The following C2orf42 variants were observed in gnomAD, a reference collection of about 807,000 sequenced individuals.
The protein encoded by C2orf42 is chromosome 2 open reading frame 42.
A neutral mutation model predicts 58.9 loss-of-function variants in C2orf42; 44 were observed. That is an observed-to-expected ratio of 0.75 (90% CI 0.59 to 0.96). The LOEUF (loss-of-function observed/expected upper bound fraction) is 0.96, where lower values mean the gene tolerates loss of function less well. C2orf42 is among the 40% of genes least tolerant of loss of function. The pLI, the probability that C2orf42 is intolerant of heterozygous loss-of-function variation, is 0.00. For synonymous variants in C2orf42, 239 were observed against 265.4 expected (o/e 0.90, Z 0.97); for missense variants, 630 against 699.2 (o/e 0.90, Z 1.12).
intron 1 of C2orf42, among the ~76,000 whole-genome samples, chr2:70,189,596 A>G (rs1675193635): frequency 6.6e-6 from 1 of 151,210 alleles, no homozygotes; most frequent in Non-Finnish European, 1.5e-5. Flanking sequence ...GGGCGCCTGT[A>G]GTCCCAGCTA....
chr2:70,185,039 G>A (rs1040390325), intron 1 of C2orf42, among the ~76,000 whole-genome samples: 3 of 151,446 alleles, frequency 2.0e-5, no homozygotes, highest in South Asian at 2.1e-4. Flanking sequence ...GCAGTGAACC[G>A]AGATCATGCC....
chr2:70,173,812 G>A (rs796850921), intron 5 of C2orf42, among the ~76,000 whole-genome samples: 59 of 150,436 alleles, frequency 3.9e-4, no homozygotes, highest in African/African-American at 1.3e-3. Flanking sequence ...GTTTTTTTTG[G>A]TAGAGATGGA....
intron 1 of C2orf42, among the ~76,000 whole-genome samples, chr2:70,185,079 G>A (rs182707118): frequency 6.9e-6 from 1 of 145,020 alleles, no homozygotes; most frequent in East Asian, 2.1e-4. Flanking sequence ...GACAGAGTGA[G>A]ACTCCATCTC....
Position 70,181,899 on chromosome 2 carries a change from G to A in C2orf42, c.87C>T (p.Pro29=). The A allele has an allele frequency of 6.2e-7, 1 of 1,613,688 alleles. No individual in the cohort carries two copies. Among genetic ancestry groups the A allele is most frequent in the Non-Finnish European group, 8.5e-7 (1 of 1,179,704 alleles). The part of the protein sequence containing the change: ...KATLRGIRKC[P]RCGTYNGTRG... ...GGGTTCCATTGTATGTGCCACATCG[G>A]GGACACTTTCTGATTCCCCTCAATG... The change falls in exon 3 of 10, where the codon CCC becomes CCT. Residue 29 remains proline, a synonymous_variant. Coordinates refer to ENST00000264434, the MANE Select transcript of C2orf42 (RefSeq NM_017880.3).
intron 9 of C2orf42, among the ~76,000 whole-genome samples, chr2:70,154,128 A>T (rs1309570888): frequency 6.6e-6 from 1 of 152,022 alleles, no homozygotes; most frequent in Non-Finnish European, 1.5e-5. Context: ...AAAGAAAAAA[A>T]ATAAGATCCA....
chr2:70,169,539 T>A lies in C2orf42; in HGVS notation c.1144+18A>T. The A allele has an allele frequency of 7.9e-7, 1 of 1,263,668 alleles. No individual in the cohort carries two copies. The highest frequency in any genetic ancestry group is 1.2e-6 in the Non-Finnish European group (1 of 862,546). 78.3% of individuals were successfully genotyped at this position (1,263,668 alleles called of 1,614,324 possible). A position where few individuals can be genotyped will look rare whatever the true frequency, so the allele number is the denominator to read the frequency against. On this transcript the variant is annotated intron_variant, in intron 6 of 9. Transcript: ENST00000264434. ...CTCCTACTTTCAGCAAGAGCCCAGT[T>A]AGATGAACAATACTTACCATCAAAC... is the stretch of plus-strand genomic sequence containing the variant.
At chr2:70,187,585 G>A (rs1404951990) in intron 1 of C2orf42, among the ~76,000 whole-genome samples, 1 of 152,084 alleles carries the variant, frequency 6.6e-6, no homozygotes, top group Non-Finnish European at 1.5e-5. Flanking sequence ...CCCTCCAGCA[G>A]GCGATTTGTG....
intron 9 of C2orf42, among the ~76,000 whole-genome samples, chr2:70,158,900 C>CTTTTTTT (rs34839050): frequency 9.4e-6 from 1 of 106,288 alleles, no homozygotes; most frequent in African/African-American, 3.9e-5. Context: ...CCGAGTATTC[C>CTTTTTTT]TTTTTTTTTT....
intron 4 of C2orf42, among the ~76,000 whole-genome samples, chr2:70,178,726 G>C (rs1049524773): frequency 6.6e-6 from 1 of 152,104 alleles, no homozygotes; most frequent in African/African-American, 2.4e-5. Flanking sequence ...CCTGAGGTCA[G>C]GAGTTCAAGA....
Position 70,150,401 on chromosome 2 carries a change from GT to G in C2orf42, c.1679del (p.Asp560AlafsTer9), listed in dbSNP as rs1187518504. ...AEYQDQRPPL[D>X]QPLELAPLTT... ...TCAGAGGGGCCAGTTCCAAGGGCTG[GT>G]CCAAGGGGGGCCGCTGGTCTTGGTA... On this transcript the variant is annotated frameshift_variant, in exon 10 of 10. Coordinates refer to ENST00000264434, the MANE Select transcript of C2orf42 (RefSeq NM_017880.3). LOFTEE classifies it high-confidence loss of function. 3.1e-6 allele frequency: 5 copies of G among 1,613,978 alleles called. No individual in the cohort carries two copies. The highest frequency in any genetic ancestry group is 1.7e-5 in the Admixed American group (1 of 59,984).
intron 1 of C2orf42, among the ~76,000 whole-genome samples, chr2:70,189,368 T>G (rs1426513677): frequency 1.7e-5 from 2 of 119,778 alleles, no homozygotes; most frequent in African/African-American, 6.6e-5. Context: ...ATCGTGCCAT[T>G]GCACTCCAGC....
chr2:70,155,835 TA>T (rs1672634542), intron 9 of C2orf42, among the ~76,000 whole-genome samples: 2 of 147,426 alleles, frequency 1.4e-5, no homozygotes, highest in African/African-American at 5.0e-5. Flanking sequence ...AATACAAAAT[TA>T]AACACTAGCA....
Position 70,181,659 on chromosome 2 carries a change from C to G in C2orf42, c.327G>C (p.Gln109His), listed in dbSNP as rs1674580157. The stretch of plus-strand genomic sequence containing the variant: ...GGACATAACACCGTCCAGAGCTCAG[C>G]TGAGTGATGATCGTCCCATCCACTG... ...IQTVDGTIIT[Q>H]LSSGRCYVPS... is the part of the protein sequence containing the mutation. The change falls in exon 3 of 10, where the codon CAG (glutamine) becomes CAC (histidine). Residue 109 changes from glutamine (Q) to histidine (H), a missense_variant. Coordinates refer to ENST00000264434, the MANE Select transcript of C2orf42 (RefSeq NM_017880.3). The G allele has an allele frequency of 2.5e-6, 4 of 1,614,016 alleles. No individual in the cohort carries two copies. The highest frequency in any genetic ancestry group is 1.3e-5 in the African/African-American group (1 of 74,922).
At chr2:70,178,180 G>A (rs1421104623) in intron 4 of C2orf42, among the ~76,000 whole-genome samples, 1 of 152,194 alleles carries the variant, frequency 6.6e-6, no homozygotes, top group Non-Finnish European at 1.5e-5. Flanking sequence ...TGGTCCATGG[G>A]TGTGGACCAA....
At chr2:70,163,316 C>A (rs1463499407) in intron 8 of C2orf42, among the ~76,000 whole-genome samples, 10 of 151,766 alleles carry the variant, frequency 6.6e-5, no homozygotes, top group Admixed American at 6.6e-4. Flanking sequence ...GCGATCTCGG[C>A]TCACTGCAAG....
At chr2:70,159,734 G>T (rs976546958) in intron 9 of C2orf42, among the ~76,000 whole-genome samples, 2 of 152,224 alleles carry the variant, frequency 1.3e-5, no homozygotes, top group African/African-American at 4.8e-5. Flanking sequence ...TGGGGGTCTT[G>T]CTATATTGCC....
chr2:70,189,934 C>A (rs1675229197), intron 1 of C2orf42, among the ~76,000 whole-genome samples: 1 of 148,694 alleles, frequency 6.7e-6, no homozygotes, highest in African/African-American at 2.5e-5. Context: ...TGGTTTTACT[C>A]TTTTAAAAGA....
chr2:70,173,839 C>T (rs192586133), intron 5 of C2orf42, among the ~76,000 whole-genome samples: 1 of 152,032 alleles, frequency 6.6e-6, no homozygotes, highest in East Asian at 1.9e-4. Flanking sequence ...CTACTCCTAC[C>T]TCGGCCTCCC....
intron 4 of C2orf42, among the ~76,000 whole-genome samples, chr2:70,177,261 G>A (rs893714522): frequency 4.0e-5 from 6 of 148,632 alleles, no homozygotes; most frequent in African/African-American, 1.2e-4. Context: ...AACAAGAGCC[G>A]AACTCCACCT....
Sources: gnomAD v4.1 joint callset for allele counts (sites outside exome capture counted in the v4.1 genomes callset) on GRCh38, gnomAD v4.1.1 for gene constraint, MANE v1.5 for transcripts, NCBI Gene and HGNC (gene_info 2026-07-23, HGNC 2026-07-21) for gene names.